Variants in TRPC7 observed in about 807,000 individuals in gnomAD.
TRPC7 encodes the protein short transient receptor potential channel 7.
In TRPC7, 42 loss-of-function variants were observed where a neutral mutation model predicts 90.1. The observed-to-expected ratio is 0.47, with a 90% confidence interval of 0.36 to 0.60. TRPC7 has a LOEUF of 0.60. Ranked by LOEUF, TRPC7 falls within the 20% of genes least tolerant of loss-of-function variation. The pLI is 0.00. For synonymous variants in TRPC7, 451 were observed against 436.3 expected, an observed-to-expected ratio of 1.03 and a Z score of -0.42; for missense variants, 955 against 1,112.3, an observed-to-expected ratio of 0.86 and a Z score of 2.01.
chr5:136,221,384 C>G (rs555488390), intron 10 of TRPC7, among the ~76,000 whole-genome samples: 2 of 152,182 alleles, frequency 1.3e-5, no homozygotes, highest in African/African-American at 4.8e-5. Flanking sequence ...GCCCTACATC[C>G]GGAGAGGAAG....
At chr5:136,262,722 A>G (rs981326073) in intron 5 of TRPC7, among the ~76,000 whole-genome samples, 2 of 152,226 alleles carry the variant, frequency 1.3e-5, no homozygotes, top group African/African-American at 4.8e-5. Flanking sequence ...GCAAACATAA[A>G]TAATATTTTT....
intron 3 of TRPC7, among the ~76,000 whole-genome samples, chr5:136,283,924 G>A (rs1263370663): frequency 6.6e-6 from 1 of 152,116 alleles, no homozygotes; most frequent in African/African-American, 2.4e-5. Context: ...CTCTTCACAT[G>A]TAGAGTGCAC....
intron 7 of TRPC7, among the ~76,000 whole-genome samples, chr5:136,243,455 T>C (rs934919458): frequency 1.3e-5 from 2 of 152,108 alleles, no homozygotes; most frequent in Non-Finnish European, 2.9e-5. Flanking sequence ...ACTCCTGCCT[T>C]ACCCTACAAG....
intron 3 of TRPC7, among the ~76,000 whole-genome samples, chr5:136,307,256 A>G (rs2149835125): frequency 6.6e-6 from 1 of 152,222 alleles, no homozygotes; most frequent in Non-Finnish European, 1.5e-5. Context: ...TCTCTCTGAA[A>G]CTTTGTACTC....
At chr5:136,329,834 G>C (rs114297214) in intron 2 of TRPC7, among the ~76,000 whole-genome samples, 7 of 152,302 alleles carry the variant, frequency 4.6e-5, no homozygotes, top group African/African-American at 1.2e-4. Flanking sequence ...TCCTGGAAGA[G>C]CCTCTCCTCA....
At chr5:136,364,757 A>G (rs1760670374) in intron 1 of TRPC7, among the ~76,000 whole-genome samples, 1 of 152,216 alleles carries the variant, frequency 6.6e-6, no homozygotes, top group Non-Finnish European at 1.5e-5. Context: ...TGTCTAAAGG[A>G]GATACATAGC....
intron 3 of TRPC7, among the ~76,000 whole-genome samples, chr5:136,311,808 G>A (rs10061910): frequency 0.2 from 30,585 of 152,076 alleles, 4,427 homozygotes; most frequent in African/African-American, 0.4. Context: ...CTTCTTCAGG[G>A]ACTGTGGCCT....
At chr5:136,281,109 A>G (rs1225153404) in intron 3 of TRPC7, among the ~76,000 whole-genome samples, 1 of 152,222 alleles carries the variant, frequency 6.6e-6, no homozygotes, top group Non-Finnish European at 1.5e-5. Context: ...CCATTTCCCC[A>G]AAGACCAGGG....
At chr5:136,283,891 C>T (rs548482217) in intron 3 of TRPC7, among the ~76,000 whole-genome samples, 1 of 152,298 alleles carries the variant, frequency 6.6e-6, no homozygotes, top group African/African-American at 2.4e-5. Context: ...TGGACATCTA[C>T]TCTCCTCCAA....
At chr5:136,238,149 C>T (rs576476161) in intron 7 of TRPC7, among the ~76,000 whole-genome samples, 1 of 152,342 alleles carries the variant, frequency 6.6e-6, no homozygotes, top group East Asian at 1.9e-4. Context: ...AGCATGTGCT[C>T]CACGAGACCT....
intron 3 of TRPC7, among the ~76,000 whole-genome samples, chr5:136,286,166 C>T (rs146055593): frequency 5.9e-5 from 9 of 152,154 alleles, no homozygotes; most frequent in South Asian, 2.1e-4. Flanking sequence ...GATTCCACAG[C>T]GTACCCCCAC....
intron 2 of TRPC7, among the ~76,000 whole-genome samples, chr5:136,331,675 A>C (rs1759504540): frequency 6.6e-6 from 1 of 152,218 alleles, no homozygotes; most frequent in Non-Finnish European, 1.5e-5. Flanking sequence ...TGTTCCGCTC[A>C]GTTCAGCATG....
In TRPC7 at chr5:136,216,105, A is replaced by G. The variant is rs532376329; in HGVS notation, c.2419+95T>C. 4 of 1,016,964 alleles carry G rather than the reference A, an allele frequency of 3.9e-6. No individual in the cohort carries two copies. In the African/African-American group the frequency reaches 6.4e-5, roughly 16 times the overall value. 63.0% of individuals were successfully genotyped at this position (1,016,964 alleles called of 1,614,324 possible). A position where few individuals can be genotyped will look rare whatever the true frequency, so the allele number is the denominator to read the frequency against. On this transcript the variant is annotated intron_variant, in intron 11 of 11. Coordinates refer to ENST00000513104, the MANE Select transcript of TRPC7 (RefSeq NM_020389.3). ...CTCCCTGGAGCCTCTGGAAAGGAGC[A>G]CAGTGCCCTGACAACACTGTGGCCG...
intron 2 of TRPC7, chr5:136,315,980 CT>C: frequency 1.7e-6 from 1 of 587,274 alleles, no homozygotes; most frequent in South Asian, 2.2e-5. Flanking sequence ...AGGACATTTT[CT>C]CTAGGTCAGC....
chr5:136,247,662 G>A lies in TRPC7; in HGVS notation c.1653C>T (p.Ser551=), dbSNP rs575768183. 9.9e-6 allele frequency: 16 copies of A among 1,614,020 alleles called. No individual in the cohort carries two copies. In the African/African-American group the frequency reaches 2.1e-4, roughly 22 times the overall value. The part of the protein sequence containing the change: ...EGLYAIAVVL[S]FSRIAYILPA... ...GCAGAATGTATGCAATGCGAGAGAA[G>A]CTCAGCACGACGGCTATCGCGTAGA... The change falls in exon 7 of 12, where the codon AGC becomes AGT. Residue 551 remains serine (S), a synonymous_variant. Transcript: ENST00000513104. This position sits in a 1 kb window ranked among gnomAD's most constrained non-coding sequence, Gnocchi z 4.2.
At chr5:136,322,160 A>G (rs547001061) in intron 2 of TRPC7, among the ~76,000 whole-genome samples, 20 of 152,068 alleles carry the variant, frequency 1.3e-4, no homozygotes, top group Admixed American at 3.3e-4. Flanking sequence ...AATTACAGGC[A>G]CCTGCCACCA....
chr5:136,224,479 C>A (rs1278379598), intron 10 of TRPC7, among the ~76,000 whole-genome samples: 1 of 152,194 alleles, frequency 6.6e-6, no homozygotes, highest in East Asian at 1.9e-4. Flanking sequence ...GTGAGCCATG[C>A]TGGGTGTGCC....
intron 2 of TRPC7, among the ~76,000 whole-genome samples, chr5:136,342,223 TC>T (rs1173273107): frequency 6.6e-6 from 1 of 152,152 alleles, no homozygotes; most frequent in Non-Finnish European, 1.5e-5. Flanking sequence ...TCCTGCATGG[TC>T]CCCCCAGGGG....
chr5:136,213,783 C>G (rs1755169764), intron 11 of TRPC7, among the ~76,000 whole-genome samples, 179 bp from the exon 12 acceptor site: 1 of 152,202 alleles, frequency 6.6e-6, no homozygotes, highest in Admixed American at 6.5e-5. Flanking sequence ...GCTCCCCCAC[C>G]ACTGAAGGAC....
Sources: gnomAD v4.1 joint callset for allele counts (sites outside exome capture counted in the v4.1 genomes callset) on GRCh38, gnomAD v4.1.1 for gene constraint, Gnocchi (gnomAD v3.1) non-coding constraint, MANE v1.5 for transcripts, NCBI Gene and HGNC (gene_info 2026-07-23, HGNC 2026-07-21) for gene names.